The following SNX29 variants were observed in gnomAD, a reference collection of about 807,000 sequenced individuals.
The protein encoded by SNX29 is sorting nexin 29, also known as sorting nexin-29.
In SNX29, 78 loss-of-function variants were observed where a neutral mutation model predicts 102.1. The observed-to-expected ratio is 0.76, with a 90% CI of 0.64 to 0.92. The LOEUF (loss-of-function observed/expected upper bound fraction) is 0.92. Among genes scored for constraint, SNX29 ranks in the 40% least tolerant of loss-of-function variants. The probability of loss-of-function intolerance (pLI) is 0.00; values close to 1 mark genes in which losing one functional copy is unlikely to be tolerated. For synonymous variants in SNX29, 580 were observed against 414.5 expected (o/e 1.40, Z -4.85); for missense variants, 1,280 against 1,061.7 (o/e 1.21, Z -2.86).
At chr16:12,047,074 G>C (rs2050119030) in intron 6 of SNX29, among the ~76,000 whole-genome samples, 1 of 152,192 alleles carries the variant, frequency 6.6e-6, no homozygotes, top group South Asian at 2.1e-4. Flanking sequence ...TTGCTACCTG[G>C]TGACCTGGGC....
intron 18 of SNX29, among the ~76,000 whole-genome samples, chr16:12,458,376 C>G (rs1409689699): frequency 2.0e-5 from 3 of 152,198 alleles, no homozygotes; most frequent in South Asian, 4.1e-4. Flanking sequence ...AGACGGAAAC[C>G]TTGCCTGGTT....
chr16:12,082,085 G>A (rs1464420182), intron 11 of SNX29, among the ~76,000 whole-genome samples: 2 of 152,296 alleles, frequency 1.3e-5, no homozygotes, highest in African/African-American at 2.4e-5. Context: ...ACGCCACATC[G>A]CTTCCCAGCA....
intron 13 of SNX29, among the ~76,000 whole-genome samples, chr16:12,151,447 A>G (rs145934671): frequency 6.6e-6 from 1 of 152,308 alleles, no homozygotes; most frequent in African/African-American, 2.4e-5. Context: ...TCTTATGTGT[A>G]CAACACTCCA....
intron 14 of SNX29, among the ~76,000 whole-genome samples, chr16:12,235,431 G>C (rs1248835948): frequency 3.9e-5 from 6 of 152,138 alleles, no homozygotes; most frequent in Admixed American, 3.9e-4. Flanking sequence ...CACATTTGGA[G>C]GTACATATTT....
intron 14 of SNX29, among the ~76,000 whole-genome samples, chr16:12,214,119 G>A (rs1391319883): frequency 1.5e-5 from 2 of 137,902 alleles, no homozygotes; most frequent in African/African-American, 5.2e-5. Flanking sequence ...TTATTTGTTC[G>A]ACCTGATTTC....
chr16:12,006,691 G>T (rs536672363), intron 3 of SNX29, among the ~76,000 whole-genome samples: 1 of 151,884 alleles, frequency 6.6e-6, no homozygotes, highest in Non-Finnish European at 1.5e-5. Context: ...TGTGATCATG[G>T]TTCACATCAG....
intron 15 of SNX29, among the ~76,000 whole-genome samples, chr16:12,281,102 T>G (rs1339269750): frequency 6.6e-6 from 1 of 152,190 alleles, no homozygotes; most frequent in Non-Finnish European, 1.5e-5. Flanking sequence ...TTTCTAGAGA[T>G]GGGATCTTGC....
intron 13 of SNX29, among the ~76,000 whole-genome samples, chr16:12,191,829 G>T (rs1181256055): frequency 2.6e-5 from 4 of 152,182 alleles, no homozygotes; most frequent in African/African-American, 9.7e-5. Context: ...CCTTTTATTG[G>T]TGCCTATTCT....
chr16:12,533,285 C>A (rs1034799590), intron 20 of SNX29, among the ~76,000 whole-genome samples: 5 of 152,238 alleles, frequency 3.3e-5, no homozygotes, highest in Non-Finnish European at 5.9e-5. Flanking sequence ...GTAGCAGCTT[C>A]CTGGAAAGTC....
At chr16:12,239,639 CAAAAAAAAAAAAAAAA>C (rs61024203) in intron 14 of SNX29, among the ~76,000 whole-genome samples, 675 of 62,612 alleles carry the variant, frequency 0.011, 8 homozygotes, top group South Asian at 0.086. Context: ...CCTGTTTCTA[CAAAAAAAAAAAAAAAA>C]AAAAAAAAAA....
chr16:12,268,211 C>G (rs2078989045), intron 14 of SNX29, among the ~76,000 whole-genome samples: 1 of 152,236 alleles, frequency 6.6e-6, no homozygotes, highest in African/African-American at 2.4e-5. Context: ...TAAATAGTCA[C>G]TTCTTGGGTC....
intron 15 of SNX29, among the ~76,000 whole-genome samples, chr16:12,323,385 CTAAAG>C (rs992803606): frequency 2.9e-4 from 44 of 152,136 alleles, no homozygotes; most frequent in African/African-American, 1.0e-3. Flanking sequence ...CACTTTTTAC[CTAAAG>C]TAAACTCATT....
chr16:12,389,246 G>A (rs185043362), intron 16 of SNX29, among the ~76,000 whole-genome samples: 1 of 152,166 alleles, frequency 6.6e-6, no homozygotes, highest in Non-Finnish European at 1.5e-5. Context: ...GGATGAAATA[G>A]TGCATGAGAA....
At chr16:12,434,524 G>C (rs949109747) in intron 18 of SNX29, among the ~76,000 whole-genome samples, 1 of 152,182 alleles carries the variant, frequency 6.6e-6, no homozygotes. Context: ...AGTGCTAGTC[G>C]GGGGTAATAT....
chr16:12,227,258 A>G (rs764267146), intron 14 of SNX29, among the ~76,000 whole-genome samples: 3 of 152,160 alleles, frequency 2.0e-5, no homozygotes, highest in Non-Finnish European at 4.4e-5. Flanking sequence ...TGTGGTTAGG[A>G]ACAGCCCTGT....
intron 15 of SNX29, among the ~76,000 whole-genome samples, chr16:12,329,236 C>T (rs987565245): frequency 3.6e-5 from 5 of 138,270 alleles, no homozygotes; most frequent in African/African-American, 1.1e-4. Flanking sequence ...ATGATTATGC[C>T]ACTGCACTCC....
intron 14 of SNX29, among the ~76,000 whole-genome samples, chr16:12,205,094 C>A (rs1025534562): frequency 6.6e-6 from 1 of 152,204 alleles, no homozygotes; most frequent in Non-Finnish European, 1.5e-5. Flanking sequence ...AAGGCTGATT[C>A]AGTGAAGATG....
At chr16:12,401,132 CA>C (rs1420414970) in intron 17 of SNX29, among the ~76,000 whole-genome samples, 1 of 152,088 alleles carries the variant, frequency 6.6e-6, no homozygotes, top group Non-Finnish European at 1.5e-5. Context: ...CCCCCGGCCT[CA>C]GTACCCCACT....
At chr16:11,981,748 T>G (rs1461622895) in intron 1 of SNX29, among the ~76,000 whole-genome samples, 1 of 151,982 alleles carries the variant, frequency 6.6e-6, no homozygotes, top group East Asian at 1.9e-4. Flanking sequence ...ACAAGATAAA[T>G]GGGTATCATG....
Sources: gnomAD v4.1 joint callset for allele counts (sites outside exome capture counted in the v4.1 genomes callset) on GRCh38, gnomAD v4.1.1 for gene constraint, MANE v1.5 for transcripts, NCBI Gene and HGNC (gene_info 2026-07-23, HGNC 2026-07-21) for gene names.